Variants in POLD3 observed in about 807,000 individuals in gnomAD.
POLD3 encodes the protein DNA polymerase delta subunit 3.
A neutral mutation model predicts 58.2 loss-of-function variants in POLD3; 19 were observed. The observed-to-expected ratio is 0.33, with a 90% confidence interval of 0.23 to 0.48. The LOEUF (loss-of-function observed/expected upper bound fraction) is 0.48. Among genes scored for constraint, POLD3 ranks in the 20% least tolerant of loss-of-function variants. The probability of loss-of-function intolerance (pLI) is 0.99; values close to 1 mark genes in which losing one functional copy is unlikely to be tolerated. For missense variants in POLD3, 504 were observed against 545.5 expected, an observed-to-expected ratio of 0.92 and a Z score of 0.76; for synonymous variants, 172 against 193.5, an observed-to-expected ratio of 0.89 and a Z score of 0.92.
chr11:74,622,155 A>G (rs896244681), intron 7 of POLD3, among the ~76,000 whole-genome samples: 4 of 152,106 alleles, frequency 2.6e-5, no homozygotes, highest in East Asian at 1.9e-4. Context: ...TTTACTGAGA[A>G]TGATGATTTC....
At chr11:74,596,463 G>T (rs987015948) in intron 2 of POLD3, among the ~76,000 whole-genome samples, 1 of 152,184 alleles carries the variant, frequency 6.6e-6, no homozygotes, top group South Asian at 2.1e-4. Flanking sequence ...TGGGATTACA[G>T]ATGTGAGCCA....
At chr11:74,661,847 T>C (rs929817662) in intron 4 of POLD3, among the ~76,000 whole-genome samples, 3 of 152,244 alleles carry the variant, frequency 2.0e-5, no homozygotes, top group African/African-American at 7.2e-5. Flanking sequence ...AAAAACCTTA[T>C]AAATCTACCT....
intron 11 of POLD3, 52 bp from the exon 12 acceptor site, chr11:74,640,510 CAT>C: frequency 6.9e-7 from 1 of 1,450,900 alleles, no homozygotes; most frequent in Non-Finnish European, 9.1e-7. Flanking sequence ...CCATTTTCTT[CAT>C]AGAGTAAATG....
intron 9 of POLD3, among the ~76,000 whole-genome samples, chr11:74,630,667 G>C (rs71465929): frequency 0.064 from 9,782 of 152,236 alleles, 384 homozygotes; most frequent in South Asian, 0.18. Flanking sequence ...TAGACACATG[G>C]GAAAATAATT....
intron 2 of POLD3, among the ~76,000 whole-genome samples, chr11:74,600,592 G>A (rs59414975): frequency 0.01 from 1,525 of 151,760 alleles, 21 homozygotes; most frequent in African/African-American, 0.035. Flanking sequence ...CTGAGATCGC[G>A]CCACTGCACT....
chr11:74,654,591 A>T (rs1476057861), intron 4 of POLD3, among the ~76,000 whole-genome samples: 1 of 152,148 alleles, frequency 6.6e-6, no homozygotes, highest in Non-Finnish European at 1.5e-5. Context: ...TTCGTGAAAA[A>T]CTACTGACCC....
Position 74,629,283 on chromosome 11 carries a change from A to T in POLD3, c.966A>T (p.Arg322Ser), listed in dbSNP as rs770696029. Reference sequence around the variant, plus strand: ...CTGAAAACATGAGGAAAAAGAGGAGAAGAATCAAACTTCCTGAATCTGATA... The same window carrying T: ...CTGAAAACATGAGGAAAAAGAGGAGTAGAATCAAACTTCCTGAATCTGATA... ...KETENMRKKR[R>S]RIKLPESDSS... Residue 322 changes from arginine (R) to serine (S), a missense_variant, in exon 9 of 12, where the codon AGA becomes AGT. Arg to Ser is a moderately radical substitution (Grantham distance 110). This residue lies in a region of POLD3 where 385 missense variants were observed against 370.5 expected (regional missense o/e 1.04). Transcript: ENST00000263681. 1 of 1,609,588 alleles carries T rather than the reference A, an allele frequency of 6.2e-7. No homozygotes were observed. Among genetic ancestry groups the T allele is most frequent in the South Asian group, 1.1e-5 (1 of 90,862 alleles).
intron 7 of POLD3, among the ~76,000 whole-genome samples, chr11:74,621,297 C>G (rs543244305): frequency 6.6e-6 from 1 of 152,112 alleles, no homozygotes; most frequent in East Asian, 1.9e-4. Context: ...GATTGTGAAC[C>G]CTATTGTGAA....
chr11:74,648,433 G>A (rs2033028243), intron 4 of POLD3, among the ~76,000 whole-genome samples: 1 of 152,198 alleles, frequency 6.6e-6, no homozygotes, highest in African/African-American at 2.4e-5. Flanking sequence ...GGAGGTGTGT[G>A]TCCATAGGTC....
At chr11:74,608,372 C>T (rs900211829) in intron 3 of POLD3, among the ~76,000 whole-genome samples, 21 of 152,152 alleles carry the variant, frequency 1.4e-4, no homozygotes, top group African/African-American at 4.6e-4. Flanking sequence ...CCTCCTGCTT[C>T]GGCCTCCCTA....
intron 6 of POLD3, among the ~76,000 whole-genome samples, chr11:74,619,623 A>G (rs541907603): frequency 1.3e-5 from 2 of 152,314 alleles, no homozygotes; most frequent in South Asian, 2.1e-4. Flanking sequence ...TTGCTACTAA[A>G]TGGTGGGAAC....
chr11:74,615,683 G>A (rs2032060753), intron 5 of POLD3, among the ~76,000 whole-genome samples: 1 of 152,198 alleles, frequency 6.6e-6, no homozygotes, highest in Non-Finnish European at 1.5e-5. Flanking sequence ...GAAAGGTGCT[G>A]TAGGAAGAAA....
At chr11:74,609,372 ATTTTTT>A (rs869157886) in intron 3 of POLD3, among the ~76,000 whole-genome samples, 91 of 27,116 alleles carry the variant, frequency 3.4e-3, no homozygotes, top group South Asian at 0.013. Flanking sequence ...ATATATATAT[ATTTTTT>A]TTTTTTTTTT....
intron 4 of POLD3, among the ~76,000 whole-genome samples, chr11:74,654,285 T>C (rs889625879): frequency 6.6e-6 from 1 of 152,134 alleles, no homozygotes. Flanking sequence ...ATAAGAAACC[T>C]GGAGTGGCTA....
At chr11:74,654,366 T>G (rs1415346491) in intron 4 of POLD3, among the ~76,000 whole-genome samples, 1 of 151,708 alleles carries the variant, frequency 6.6e-6, no homozygotes, top group Non-Finnish European at 1.5e-5. Flanking sequence ...AATAAGAGAG[T>G]TAATCAAGAA....
At chr11:74,639,351 C>T (rs553842638) in intron 11 of POLD3, among the ~76,000 whole-genome samples, 1 of 152,178 alleles carries the variant, frequency 6.6e-6, no homozygotes, top group Admixed American at 6.5e-5. Context: ...GCCTCTAGAA[C>T]AATTTGATAT....
At position 74,636,204 on chromosome 11, in the gene POLD3, G is replaced by A. The variant is rs555212983; in HGVS notation, c.1127G>A (p.Ser376Asn). Residue 376 changes from serine (S) to asparagine (N), a missense_variant, in exon 11 of 12, where the codon AGT becomes AAT. Physicochemically the swap from Ser to Asn is conservative, Grantham distance 46. Around this residue, in one of 2 missense-constraint regions of POLD3, gnomAD observed 385 missense variants for 370.5 expected, o/e 1.04. Transcript: ENST00000263681. Reference protein sequence around the residue: ...EPEPPSVKSSSGENKRKRKRV... With the variant: ...EPEPPSVKSSNGENKRKRKRV... Reference sequence around the variant, plus strand: ...TATCCTCTGACCTTTTAGAGCTCAAGTGGAGAAAACAAAAGAAAACGAAAA... The same window carrying A: ...TATCCTCTGACCTTTTAGAGCTCAAATGGAGAAAACAAAAGAAAACGAAAA... 2.9e-5 allele frequency: 46 copies of A among 1,609,578 alleles called. 1 individual carries two copies. In the South Asian group the frequency reaches 5.1e-4, roughly 18 times the overall value.
intron 4 of POLD3, among the ~76,000 whole-genome samples, chr11:74,655,417 A>G (rs1182704400): frequency 6.6e-6 from 1 of 152,264 alleles, no homozygotes; most frequent in African/African-American, 2.4e-5. Flanking sequence ...GCTAGACTAT[A>G]TTATCTAAAA....
intron 4 of POLD3, among the ~76,000 whole-genome samples, chr11:74,664,090 C>T (rs553308533): frequency 6.6e-6 from 1 of 152,236 alleles, no homozygotes; most frequent in African/African-American, 2.4e-5. Context: ...ATTGAGATAT[C>T]ACTACATGCC....
Sources: gnomAD v4.1 joint callset for allele counts (sites outside exome capture counted in the v4.1 genomes callset) on GRCh38, gnomAD v4.1.1 for gene constraint, gnomAD v4.1.1 regional missense constraint, MANE v1.5 for transcripts, NCBI Gene and HGNC (gene_info 2026-07-23, HGNC 2026-07-21) for gene names.